TMPRSS6: variants seen among roughly 807,000 people sequenced by gnomAD.
TMPRSS6 encodes transmembrane protease serine 6.
TMPRSS6 carries 67 observed loss-of-function variants against 101.5 expected under a neutral mutation model. The observed-to-expected ratio is 0.66, with a 90% CI of 0.54 to 0.81. TMPRSS6 has a LOEUF of 0.81. Ranked by LOEUF, TMPRSS6 falls within the 30% of genes least tolerant of loss-of-function variation. The probability of loss-of-function intolerance (pLI) is 0.00; values close to 1 mark genes in which losing one functional copy is unlikely to be tolerated. For synonymous variants in TMPRSS6, 453 were observed against 464.9 expected, an observed-to-expected ratio of 0.97 and a Z score of 0.33; for missense variants, 1,034 against 1,088.7, an observed-to-expected ratio of 0.95 and a Z score of 0.71.
At chr22:37,079,275 G>T (rs1235979332) in intron 10 of TMPRSS6, among the ~76,000 whole-genome samples, 1 of 152,222 alleles carries the variant, frequency 6.6e-6, no homozygotes, top group Non-Finnish European at 1.5e-5. Flanking sequence ...ACAAAGTACT[G>T]AGTGTCTGAA....
In TMPRSS6 at chr22:37,092,824, A is replaced by C. The variant is rs957380079; in HGVS notation, c.631+2727T>G. On this transcript the variant is annotated intron_variant, in intron 6 of 17. Coordinates refer to ENST00000676104, the MANE Select transcript of TMPRSS6 (RefSeq NM_001374504.1). The stretch of plus-strand genomic sequence containing the variant: ...GCCCAAATCTGATGCCCCCTCCATG[A>C]AGTCTTCCAGGATCCCCCAGTCAGG... 2.6e-5 allele frequency among the ~76,000 whole-genome samples: 4 copies of C among 152,110 alleles called. 1 individual carries two copies. In the South Asian group the frequency reaches 8.3e-4, roughly 32 times the overall value.
At position 37,066,045 on chromosome 22, in the gene TMPRSS6, A is replaced by G. The variant is rs199957731; in HGVS notation, c.*35T>C. ...CAGTTGCCCTGGGCTCTCTGAGTCC[A>G]GGAGGTGGGCCCTGCTTTGCAGGGG... On this transcript the variant is annotated 3_prime_UTR_variant, in exon 18 of 18. Coordinates refer to ENST00000676104, the MANE Select transcript of TMPRSS6 (RefSeq NM_001374504.1). 3.5e-5 allele frequency: 56 copies of G among 1,612,378 alleles called. No homozygotes were observed. Among genetic ancestry groups the G allele is most frequent in the Non-Finnish European group, 5.1e-6 (6 of 1,179,668 alleles).
intron 15 of TMPRSS6, 106 bp downstream of exon 15, chr22:37,070,378 A>C (rs1601518129): frequency 3.5e-6 from 5 of 1,422,872 alleles, no homozygotes; most frequent in Non-Finnish European, 4.9e-6. Flanking sequence ...TGGGGGGTCC[A>C]CCACCCTTCC....
At chr22:37,096,112 G>A (rs886137328) in intron 4 of TMPRSS6, 22 bp from the exon 5 acceptor site, 3 of 1,613,838 alleles carry the variant, frequency 1.9e-6, no homozygotes, top group Admixed American at 3.3e-5. Flanking sequence ...AGAAGTGAGA[G>A]AGGCCAGGGA....
chr22:37,065,975 GCT>G lies in TMPRSS6; in HGVS notation c.*103_*104del. Reference sequence around the variant, plus strand: ...GCCACCTCCTGCCACCACAGGGCCTGCTCTCTCCCCCACCCCCCGCCAGAATA... The same window carrying G: ...GCCACCTCCTGCCACCACAGGGCCTGCTCTCCCCCACCCCCCGCCAGAATA... On this transcript the variant is annotated 3_prime_UTR_variant, in exon 18 of 18. Transcript: ENST00000676104. 3 of 1,481,170 alleles carry G rather than the reference GCT, an allele frequency of 2.0e-6. No homozygotes were observed. Among genetic ancestry groups the G allele is most frequent in the South Asian group, 1.2e-5 (1 of 86,710 alleles). 91.8% of individuals were successfully genotyped at this position (1,481,170 alleles called of 1,614,324 possible). A position where few individuals can be genotyped will look rare whatever the true frequency, so the allele number is the denominator to read the frequency against.
At position 37,073,497 on chromosome 22, in the gene TMPRSS6, G is replaced by A. The variant is rs1012609002; in HGVS notation, c.1555+35C>T. The A allele has an allele frequency of 1.2e-5, 18 of 1,476,616 alleles. No individual in the cohort carries two copies. In the East Asian group the frequency reaches 2.7e-4, roughly 22 times the overall value. The allele number at this position is 1,476,616 out of a possible 1,614,324, so 91.5% of individuals were successfully genotyped here. A position where few individuals can be genotyped will look rare whatever the true frequency, so the allele number is the denominator to read the frequency against. ...ATGTAGCAGGCCTAGACTGCCTTTG[G>A]TGTCCCTCCAGACACTCGGCTAGGC... On this transcript the variant is annotated intron_variant, in intron 13 of 17. Coordinates refer to ENST00000676104, the MANE Select transcript of TMPRSS6 (RefSeq NM_001374504.1).
At chr22:37,089,544 G>GGCCAACCA in intron 7 of TMPRSS6, 34 bp downstream of exon 7, 4 of 1,348,836 alleles carry the variant, frequency 3.0e-6, no homozygotes, top group Non-Finnish European at 4.2e-6. Context: ...CCCTTTTCCA[G>GGCCAACCA]CCCTCCCTCC....
intron 16 of TMPRSS6, 104 bp downstream of exon 16, chr22:37,068,969 G>C: frequency 6.7e-7 from 1 of 1,487,436 alleles, no homozygotes; most frequent in East Asian, 2.5e-5. Flanking sequence ...GGCCTATGGG[G>C]TGGAGCCCCG....
chr22:37,085,938 C>T (rs936440132), intron 8 of TMPRSS6, among the ~76,000 whole-genome samples: 2 of 151,294 alleles, frequency 1.3e-5, no homozygotes, highest in African/African-American at 4.9e-5. Context: ...GGGGAGGGGA[C>T]ACAGGTCCAG....
rs371695219 is a variant in TMPRSS6, at chr22:37,066,786, T to G, written c.2250+40A>C. The G allele has an allele frequency of 1.5e-5, 24 of 1,613,760 alleles. No homozygotes were observed. The African/African-American group carries it at 2.8e-4, about 19-fold the overall frequency. ...GACCCTGGTGATGTGGGCAGCATCC[T>G]TTCTCCCTCCTCTCTCCCTCCCATG... On this transcript the variant is annotated intron_variant, in intron 17 of 17. Coordinates refer to ENST00000676104, the MANE Select transcript of TMPRSS6 (RefSeq NM_001374504.1).
chr22:37,073,614 G>T lies in TMPRSS6; in HGVS notation c.1473C>A (p.Asp491Glu). Residue 491 changes from aspartate (D) to glutamate (E), a missense_variant, in exon 13 of 18, where the codon GAC becomes GAA. By Grantham distance (45) the Asp-to-Glu change is conservative. Transcript: ENST00000676104. ...VCRATFQCKEDSTCISLPKVC... is the reference protein window; with the variant it reads ...VCRATFQCKEESTCISLPKVC... Reference sequence around the variant, plus strand: ...CCTTGGGCAGTGAGATGCATGTGCTGTCCTCTTTGCACTGGAATGTGGCTC... The same window carrying T: ...CCTTGGGCAGTGAGATGCATGTGCTTTCCTCTTTGCACTGGAATGTGGCTC... 1 of 1,614,030 alleles carries T rather than the reference G, an allele frequency of 6.2e-7. No homozygotes were observed. The highest frequency in any genetic ancestry group is 8.5e-7 in the Non-Finnish European group (1 of 1,179,906).
In TMPRSS6 at chr22:37,066,238, C is replaced by A. The variant is rs1380716347; in HGVS notation, c.2251G>T (p.Gly751Cys). 1.9e-6 allele frequency: 3 copies of A among 1,609,574 alleles called. No homozygotes were observed. Among genetic ancestry groups the A allele is most frequent in the Non-Finnish European group, 2.5e-6 (3 of 1,177,866 alleles). The part of the protein sequence containing the change: ...YRKGKKDACQ[G>C]DSGGPLVCKA... ...CACACCAGCGGACCACCTGAGTCAC[C>A]CTGAAAGGGGGAAAGGAGAAAGGAC... Residue 751 changes from glycine to cysteine, a missense_variant and splice_region_variant, in exon 18 of 18, where the codon GGT becomes TGT. Physicochemically the swap from Gly to Cys is radical, Grantham distance 159. Transcript: ENST00000676104.
In TMPRSS6 at chr22:37,066,831, A is replaced by G; in HGVS notation, c.2245T>C (p.Cys749Arg). 2 of 1,614,152 alleles carry G rather than the reference A, an allele frequency of 1.2e-6. No homozygotes were observed. The highest frequency in any genetic ancestry group is 1.7e-6 in the Non-Finnish European group (2 of 1,180,002). The change falls in exon 17 of 18, where the codon TGT (cysteine) becomes CGT (arginine). Residue 749 changes from cysteine to arginine, a missense_variant. Coordinates refer to ENST00000676104, the MANE Select transcript of TMPRSS6 (RefSeq NM_001374504.1). ...CCCATGCCCGGGGGACTCACCTGACAGGCATCCTTCTTGCCCTTGCGGTAG... is the reference window on the plus strand; with the variant it reads ...CCCATGCCCGGGGGACTCACCTGACGGGCATCCTTCTTGCCCTTGCGGTAG... ...AGYRKGKKDA[C>R]QGDSGGPLVC...
chr22:37,090,832 G>A (rs772011406), intron 6 of TMPRSS6, among the ~76,000 whole-genome samples: 12 of 152,320 alleles, frequency 7.9e-5, no homozygotes, highest in Non-Finnish European at 1.5e-4. Context: ...CTCAATAAAG[G>A]CAGTGCCTGG....
rs1930292187 is a variant in TMPRSS6 at position 37,101,295 on chromosome 22, CAG to C, written c.202+1919_202+1920del. ...TTTGTTTTCTCACTGAAGCAGGAGA[CAG>C]GGGCAGGCGGGTGCTGGGGGCTTGA... On this transcript the variant is annotated intron_variant, in intron 2 of 17. Coordinates refer to ENST00000676104, the MANE Select transcript of TMPRSS6 (RefSeq NM_001374504.1). The surrounding 1 kb of genome is among the most constrained non-coding windows in gnomAD (Gnocchi z 4.1). Among the ~76,000 whole-genome samples, 2 of 152,150 alleles carry C rather than the reference CAG, an allele frequency of 1.3e-5. No individual in the cohort carries two copies. Among genetic ancestry groups the C allele is most frequent in the Non-Finnish European group, 2.9e-5 (2 of 67,982 alleles).
chr22:37,087,587 C>A (rs1047337990), intron 7 of TMPRSS6, among the ~76,000 whole-genome samples: 4 of 152,034 alleles, frequency 2.6e-5, no homozygotes, highest in Non-Finnish European at 5.9e-5. Flanking sequence ...AGGCACCACC[C>A]CCCTCACCCC....
chr22:37,095,499 G>C, intron 6 of TMPRSS6, 52 bp downstream of exon 6: 1 of 1,605,546 alleles, frequency 6.2e-7, no homozygotes, highest in Non-Finnish European at 8.5e-7. Flanking sequence ...ACAAAGTCAA[G>C]ACAAATGCCA....
intron 6 of TMPRSS6, 44 bp downstream of exon 6, chr22:37,095,507 C>A (rs1032935893): frequency 1.2e-6 from 2 of 1,609,534 alleles, no homozygotes; most frequent in African/African-American, 2.7e-5. Flanking sequence ...AAGACAAATG[C>A]CAACTCAAAA....
At chr22:37,081,616 C>T (rs911669824) in intron 10 of TMPRSS6, among the ~76,000 whole-genome samples, 3 of 152,130 alleles carry the variant, frequency 2.0e-5, no homozygotes, top group African/African-American at 7.2e-5. Context: ...TGAGCACTTC[C>T]ACCCCCGTGT....
Sources: gnomAD v4.1 joint callset for allele counts (sites outside exome capture counted in the v4.1 genomes callset) on GRCh38, gnomAD v4.1.1 for gene constraint, Gnocchi (gnomAD v3.1) non-coding constraint, MANE v1.5 for transcripts, NCBI Gene and HGNC (gene_info 2026-07-23, HGNC 2026-07-21) for gene names.